Variants in EDIL3 observed in about 807,000 individuals in gnomAD.
The protein encoded by EDIL3 is EGF like and discoidin domains 3.
In EDIL3, 37 loss-of-function variants were observed where a neutral mutation model predicts 67.4. The observed-to-expected ratio is 0.55, with a 90% CI of 0.42 to 0.72. The LOEUF (loss-of-function observed/expected upper bound fraction) is 0.72. Among genes scored for constraint, EDIL3 ranks in the 30% least tolerant of loss-of-function variants. The pLI is 0.00. For synonymous variants in EDIL3, 195 were observed against 196.3 expected (o/e 0.99, Z 0.05); for missense variants, 527 against 586.3 (o/e 0.90, Z 1.04).
chr5:84,112,773 A>G (rs348896), intron 5 of EDIL3, among the ~76,000 whole-genome samples: 53,092 of 152,060 alleles, frequency 0.35, 9,690 homozygotes, highest in Non-Finnish European at 0.41. Flanking sequence ...CAAAGATTAT[A>G]TTCCTCACAG....
intron 1 of EDIL3, among the ~76,000 whole-genome samples, chr5:84,273,254 TC>T (rs1465630658): frequency 6.6e-6 from 1 of 152,132 alleles, no homozygotes; most frequent in Non-Finnish European, 1.5e-5. Flanking sequence ...CCAATTCCTA[TC>T]TTTAGGGCGC....
chr5:84,298,145 A>C (rs148186783), intron 1 of EDIL3, among the ~76,000 whole-genome samples: 2,117 of 152,260 alleles, frequency 0.014, 54 homozygotes, highest in African/African-American at 0.049. Flanking sequence ...TACCCAAAGG[A>C]GTATAAATCA....
intron 1 of EDIL3, among the ~76,000 whole-genome samples, chr5:84,337,864 CTA>C (rs561262345): frequency 1.4e-3 from 219 of 152,174 alleles, no homozygotes; most frequent in African/African-American, 5.0e-3. Flanking sequence ...TATGCAAAAG[CTA>C]TGAGGTTGTC....
intron 6 of EDIL3, among the ~76,000 whole-genome samples, chr5:84,102,200 A>G (rs1027150501): frequency 6.6e-5 from 10 of 152,250 alleles, no homozygotes; most frequent in Non-Finnish European, 1.2e-4. Context: ...ATAAACCCAC[A>G]GCCAACATCA....
At chr5:84,286,545 GC>G (rs1428170489) in intron 1 of EDIL3, among the ~76,000 whole-genome samples, 4 of 152,092 alleles carry the variant, frequency 2.6e-5, no homozygotes, top group African/African-American at 9.7e-5. Flanking sequence ...CATATACTCT[GC>G]GTTTGCTTGC....
intron 6 of EDIL3, among the ~76,000 whole-genome samples, chr5:84,072,513 T>C (rs1342686023): frequency 2.6e-5 from 4 of 152,144 alleles, no homozygotes; most frequent in Non-Finnish European, 4.4e-5. Flanking sequence ...ATAAATGACA[T>C]AGTTTTCATG....
intron 1 of EDIL3, among the ~76,000 whole-genome samples, chr5:84,272,848 TA>T (rs2112098258): frequency 6.6e-6 from 1 of 152,250 alleles, no homozygotes; most frequent in African/African-American, 2.4e-5. Context: ...AAGTATGAAT[TA>T]TTTTTTTTTT....
intron 1 of EDIL3, among the ~76,000 whole-genome samples, chr5:84,377,266 T>C (rs188610940): frequency 1.4e-5 from 2 of 138,948 alleles, no homozygotes; most frequent in East Asian, 4.3e-4. Context: ...TGAGTTGAGA[T>C]CGCGCCACTG....
intron 1 of EDIL3, among the ~76,000 whole-genome samples, chr5:84,337,659 A>G (rs1580086540): frequency 6.6e-6 from 1 of 152,276 alleles, no homozygotes; most frequent in South Asian, 2.1e-4. Context: ...TTTATTTTAT[A>G]TTACTATAAA....
At chr5:84,304,559 T>C (rs2221178) in intron 1 of EDIL3, among the ~76,000 whole-genome samples, 53,840 of 152,076 alleles carry the variant, frequency 0.35, 10,786 homozygotes, top group South Asian at 0.49. Flanking sequence ...TCTAGTTCTA[T>C]GCATCCTGAA....
intron 1 of EDIL3, among the ~76,000 whole-genome samples, chr5:84,352,771 T>C (rs990938858): frequency 1.3e-5 from 2 of 152,030 alleles, no homozygotes; most frequent in African/African-American, 4.8e-5. Context: ...CAACTGCACT[T>C]ATAGCCCTAA....
At chr5:84,088,252 A>G (rs958761190) in intron 6 of EDIL3, among the ~76,000 whole-genome samples, 1 of 152,244 alleles carries the variant, frequency 6.6e-6, no homozygotes. Context: ...AAACATTCCA[A>G]AAAGTATCAG....
At chr5:84,166,463 C>T (rs1748705489) in intron 4 of EDIL3, among the ~76,000 whole-genome samples, 1 of 152,098 alleles carries the variant, frequency 6.6e-6, no homozygotes. Flanking sequence ...TTGGTTAACA[C>T]ACCAAGGCTC....
At chr5:84,082,271 G>T (rs1746984389) in intron 6 of EDIL3, among the ~76,000 whole-genome samples, 1 of 152,140 alleles carries the variant, frequency 6.6e-6, no homozygotes, top group African/African-American at 2.4e-5. Flanking sequence ...TCTGACTTGG[G>T]ATCAATTAAA....
chr5:84,255,795 C>T (rs1745112309), intron 1 of EDIL3, among the ~76,000 whole-genome samples: 1 of 152,004 alleles, frequency 6.6e-6, no homozygotes, highest in South Asian at 2.1e-4. Flanking sequence ...TGGAGCAGAC[C>T]TTAGAAAAGA....
chr5:83,964,047 G>A (rs1744648996), intron 9 of EDIL3, among the ~76,000 whole-genome samples: 1 of 151,762 alleles, frequency 6.6e-6, no homozygotes, highest in Admixed American at 6.6e-5. Context: ...TGCTCATAAT[G>A]TGTTCTTTTC....
intron 8 of EDIL3, among the ~76,000 whole-genome samples, chr5:84,061,187 ATTATT>A (rs1199162066): frequency 6.6e-6 from 1 of 152,148 alleles, no homozygotes; most frequent in Non-Finnish European, 1.5e-5. Context: ...CTTTTAATAC[ATTATT>A]TTATTTCAAT....
At chr5:84,311,267 C>T (rs1746380697) in intron 1 of EDIL3, among the ~76,000 whole-genome samples, 1 of 151,080 alleles carries the variant, frequency 6.6e-6, no homozygotes. Context: ...ACACAGCTTC[C>T]CAACTGGTAG....
intron 9 of EDIL3, among the ~76,000 whole-genome samples, chr5:84,060,010 G>C (rs1200152944): frequency 6.6e-6 from 1 of 152,120 alleles, no homozygotes; most frequent in Non-Finnish European, 1.5e-5. Context: ...GAATGGATGA[G>C]AGTTAAGATG....
Sources: gnomAD v4.1 joint callset for allele counts (sites outside exome capture counted in the v4.1 genomes callset) on GRCh38, gnomAD v4.1.1 for gene constraint, MANE v1.5 for transcripts, NCBI Gene and HGNC (gene_info 2026-07-23, HGNC 2026-07-21) for gene names.